The following SFMBT2 variants were observed in gnomAD, a reference collection of about 807,000 sequenced individuals.
The protein encoded by SFMBT2 is Scm like with four mbt domains 2.
SFMBT2 carries 38 observed loss-of-function variants against 110.1 expected under a neutral mutation model. The observed-to-expected ratio is 0.35, with a 90% CI of 0.27 to 0.45. The LOEUF (loss-of-function observed/expected upper bound fraction) is 0.45, where lower values mean the gene tolerates loss of function less well. SFMBT2 is among the 20% of genes least tolerant of loss of function. SFMBT2 has a pLI of 1.00. For missense variants in SFMBT2, 1,011 were observed against 1,094.9 expected (o/e 0.92, Z 1.08); for synonymous variants, 425 against 425.4 (o/e 1.00, Z 0.01).
chr10:7,350,292 G>A (rs1844270430), intron 4 of SFMBT2, among the ~76,000 whole-genome samples: 1 of 152,094 alleles, frequency 6.6e-6, no homozygotes, highest in Admixed American at 6.5e-5. Context: ...GAGGTCTGGG[G>A]CATGCAACCT....
At chr10:7,387,740 G>A (rs1845650803) in intron 1 of SFMBT2, among the ~76,000 whole-genome samples, 1 of 150,752 alleles carries the variant, frequency 6.6e-6, no homozygotes, top group South Asian at 2.1e-4. Flanking sequence ...AGACCAGCCT[G>A]GCCAACATGG....
chr10:7,406,800 AC>A (rs1846223503), intron 1 of SFMBT2, among the ~76,000 whole-genome samples: 1 of 152,212 alleles, frequency 6.6e-6, no homozygotes, highest in African/African-American at 2.4e-5. Flanking sequence ...GAAATGGGAA[AC>A]AGTTCCCACC....
intron 12 of SFMBT2, chr10:7,205,230 C>T (rs75607685): frequency 0.014 from 3,139 of 225,100 alleles, 116 homozygotes; most frequent in African/African-American, 0.068. Context: ...ACACGTGTCA[C>T]TCTGCTTGAC....
At chr10:7,334,615 C>A (rs958941412) in intron 4 of SFMBT2, among the ~76,000 whole-genome samples, 21 of 152,070 alleles carry the variant, frequency 1.4e-4, no homozygotes, top group Admixed American at 7.2e-4. Flanking sequence ...GACCTGTCAC[C>A]GATACAGACA....
At chr10:7,349,127 A>C (rs1387293144) in intron 4 of SFMBT2, among the ~76,000 whole-genome samples, 1 of 152,204 alleles carries the variant, frequency 6.6e-6, no homozygotes, top group Non-Finnish European at 1.5e-5. Flanking sequence ...CCTCTCTTGA[A>C]ATCACAAGAA....
intron 1 of SFMBT2, among the ~76,000 whole-genome samples, chr10:7,388,143 C>A (rs1003797549): frequency 1.3e-5 from 2 of 151,966 alleles, no homozygotes; most frequent in African/African-American, 4.8e-5. Context: ...CTGTTCCAGG[C>A]ATGCGAAGGC....
In SFMBT2 at chr10:7,205,854, C is replaced by T; in HGVS notation, c.1405G>A (p.Ala469Thr). 3 of 1,614,102 alleles carry T rather than the reference C, an allele frequency of 1.9e-6. No individual in the cohort carries two copies. The highest frequency in any genetic ancestry group is 2.5e-6 in the Non-Finnish European group (3 of 1,179,988). ...MDIFPVGWCE[A>T]NSYPLTAPHK... Reference sequence around the variant, plus strand: ...GGTGCAGTCAAAGGATAAGAATTGGCTTCACACCAGCCCACTGGGAAGATG... The same window carrying T: ...GGTGCAGTCAAAGGATAAGAATTGGTTTCACACCAGCCCACTGGGAAGATG... Residue 469 changes from alanine to threonine, a missense_variant, in exon 12 of 21, where the codon GCC (alanine) becomes ACC (threonine). Around this residue, in one of 2 missense-constraint regions of SFMBT2, gnomAD observed 979 missense variants for 1,016.1 expected, o/e 0.96. Coordinates refer to ENST00000397167, the MANE Select transcript of SFMBT2 (RefSeq NM_001387889.1).
chr10:7,185,305 C>T (rs184111326), intron 16 of SFMBT2, among the ~76,000 whole-genome samples: 4 of 152,194 alleles, frequency 2.6e-5, no homozygotes, highest in African/African-American at 4.8e-5. Flanking sequence ...CATACACTTG[C>T]GCAAGGTAAA....
intron 15 of SFMBT2, among the ~76,000 whole-genome samples, chr10:7,197,141 A>G (rs183361858): frequency 8.5e-5 from 13 of 152,084 alleles, no homozygotes; most frequent in Admixed American, 2.0e-4. Context: ...AAGGAGCGCC[A>G]TTCTCGGTGA....
intron 11 of SFMBT2, among the ~76,000 whole-genome samples, chr10:7,208,267 T>A (rs1367805250): frequency 6.6e-6 from 1 of 152,058 alleles, no homozygotes; most frequent in Non-Finnish European, 1.5e-5. Context: ...AAGGTCATTT[T>A]CTCCTCCGCA....
In SFMBT2 at chr10:7,383,893, A is replaced by G. The variant is rs1186697785; in HGVS notation, c.-51-1944T>C. Among the ~76,000 whole-genome samples the G allele has an allele frequency of 2.0e-5, 3 of 152,086 alleles. No homozygotes were observed. The East Asian group carries it at 5.8e-4, about 29-fold the overall frequency. On this transcript the variant is annotated intron_variant, in intron 1 of 20. Coordinates refer to ENST00000397167, the MANE Select transcript of SFMBT2 (RefSeq NM_001387889.1). ...GGTAAAATGCAGTGTACTAGGTCCT[A>G]AACAGTTTCTTCAGCTTGTTTTAAA...
At chr10:7,185,194 G>A (rs890461539) in intron 16 of SFMBT2, among the ~76,000 whole-genome samples, 1 of 152,184 alleles carries the variant, frequency 6.6e-6, no homozygotes, top group Non-Finnish European at 1.5e-5. Flanking sequence ...GTGAATTTAG[G>A]TACACACATA....
At chr10:7,220,189 T>C (rs1588352164) in intron 11 of SFMBT2, among the ~76,000 whole-genome samples, 1 of 152,352 alleles carries the variant, frequency 6.6e-6, no homozygotes, top group East Asian at 1.9e-4. Flanking sequence ...ATAATTATCT[T>C]GCCAGCATCT....
At chr10:7,402,608 T>C (rs958162087) in intron 1 of SFMBT2, among the ~76,000 whole-genome samples, 1 of 152,124 alleles carries the variant, frequency 6.6e-6, no homozygotes, top group Non-Finnish European at 1.5e-5. Flanking sequence ...CCCTGGTCCA[T>C]TAAAAGAAGT....
At chr10:7,315,392 C>T (rs940342474) in intron 4 of SFMBT2, among the ~76,000 whole-genome samples, 3 of 152,254 alleles carry the variant, frequency 2.0e-5, no homozygotes, top group African/African-American at 4.8e-5. Context: ...CCTCCTGCCT[C>T]ACTGCCTTTG....
At chr10:7,210,359 G>A (rs1839301079) in intron 11 of SFMBT2, among the ~76,000 whole-genome samples, 1 of 152,124 alleles carries the variant, frequency 6.6e-6, no homozygotes. Context: ...GCGAATCACA[G>A]GAGAGAGCGC....
At chr10:7,164,937 G>A (rs1208807471) in intron 20 of SFMBT2, among the ~76,000 whole-genome samples, 1 of 152,118 alleles carries the variant, frequency 6.6e-6, no homozygotes, top group Non-Finnish European at 1.5e-5. Flanking sequence ...TTTGCTGCAG[G>A]AGGAAGCATA....
chr10:7,382,908 T>C (rs1404957439), intron 1 of SFMBT2, among the ~76,000 whole-genome samples: 1 of 152,174 alleles, frequency 6.6e-6, no homozygotes, highest in Non-Finnish European at 1.5e-5. Flanking sequence ...TCCAGCTCCT[T>C]TATGTCAGGG....
intron 4 of SFMBT2, among the ~76,000 whole-genome samples, chr10:7,316,961 A>G (rs533912560): frequency 6.6e-6 from 1 of 152,212 alleles, no homozygotes; most frequent in African/African-American, 2.4e-5. Context: ...GACTATGCCT[A>G]TTTGTTTCTC....
Sources: gnomAD v4.1 joint callset for allele counts (sites outside exome capture counted in the v4.1 genomes callset) on GRCh38, gnomAD v4.1.1 for gene constraint, gnomAD v4.1.1 regional missense constraint, MANE v1.5 for transcripts, NCBI Gene and HGNC (gene_info 2026-07-23, HGNC 2026-07-21) for gene names.